Variants in DST observed in about 807,000 individuals in gnomAD.
DST encodes bullous pemphigoid antigen.
In DST, 253 loss-of-function variants were observed where a neutral mutation model predicts 875.2. That is an observed-to-expected ratio of 0.29 (90% confidence interval 0.26 to 0.32). The LOEUF is 0.32. Ranked by LOEUF, DST falls within the 10% of genes least tolerant of loss-of-function variation. DST has a pLI of 1.00. For missense variants in DST, 8,287 were observed against 9,111.6 expected (o/e 0.91, Z 3.68); for synonymous variants, 3,124 against 3,197.1 (o/e 0.98, Z 0.77).
At chr6:56,908,800 C>A (rs756181966) in intron 2 of DST, among the ~76,000 whole-genome samples, 1 of 152,154 alleles carries the variant, frequency 6.6e-6, no homozygotes, top group African/African-American at 2.4e-5. Flanking sequence ...TGAGAGTGAC[C>A]TACAGTCGTC....
Position 56,819,797 on chromosome 6 carries a change from G to A in DST, c.625+31600C>T, listed in dbSNP as rs192573002. Among the ~76,000 whole-genome samples the A allele has an allele frequency of 1.6e-3, 243 of 152,262 alleles. 2 individuals are homozygous for A. Among genetic ancestry groups the A allele is most frequent in the Non-Finnish European group, 8.2e-4 (56 of 68,008 alleles). ...CTGTCCTTGCCTTCAATGTTTACTG[G>A]CCATTGTTAGTTCTTTTCTTATGAA... On this transcript the variant is annotated intron_variant, in intron 4 of 103. Transcript: ENST00000680361.
chr6:56,820,173 G>A (rs1203552313), intron 4 of DST, among the ~76,000 whole-genome samples: 1 of 152,180 alleles, frequency 6.6e-6, no homozygotes, highest in East Asian at 1.9e-4. Flanking sequence ...ACCACTATGT[G>A]ATTCAACTAT....
intron 58 of DST, among the ~76,000 whole-genome samples, chr6:56,559,665 TTTC>T (rs931293467): frequency 2.0e-5 from 3 of 152,134 alleles, no homozygotes; most frequent in Non-Finnish European, 4.4e-5. Context: ...TTACACTCAT[TTTC>T]TTTTTTTCTA....
At chr6:56,590,244 C>T (rs1019945834) in intron 49 of DST, among the ~76,000 whole-genome samples, 2 of 152,006 alleles carry the variant, frequency 1.3e-5, no homozygotes, top group African/African-American at 2.4e-5. Flanking sequence ...TAGGTTTTTC[C>T]GTTTTAAAAT....
At chr6:56,848,902 T>G (rs1763471261) in intron 4 of DST, among the ~76,000 whole-genome samples, 2 of 151,028 alleles carry the variant, frequency 1.3e-5, no homozygotes. Flanking sequence ...TAGCTGGGCA[T>G]GGTGGTGCAT....
chr6:56,691,494 G>A (rs1388049365), intron 9 of DST, among the ~76,000 whole-genome samples: 1 of 152,016 alleles, frequency 6.6e-6, no homozygotes, highest in Non-Finnish European at 1.5e-5. Context: ...CAATGACCTT[G>A]CCAAGAATGT....
chr6:56,793,068 CAAAAAAAAAAAAAAA>C (rs61457774), intron 4 of DST, among the ~76,000 whole-genome samples: 323 of 42,368 alleles, frequency 7.6e-3, no homozygotes, highest in African/African-American at 0.018. Flanking sequence ...GACCCTGTCT[CAAAAAAAAAAAAAAA>C]AAAAAAAAAA....
intron 15 of DST, among the ~76,000 whole-genome samples, chr6:56,643,181 T>G (rs558835891): frequency 5.0e-4 from 76 of 152,310 alleles, no homozygotes; most frequent in African/African-American, 1.7e-3. Context: ...TAGTAAAGAT[T>G]ATTCTGGCAA....
chr6:56,824,022 C>T (rs913426102), intron 4 of DST, among the ~76,000 whole-genome samples: 1 of 151,736 alleles, frequency 6.6e-6, no homozygotes, highest in African/African-American at 2.4e-5. Context: ...CACGGTCTCC[C>T]TCTCCCTCTC....
At chr6:56,869,560 C>A (rs1775955003) in intron 3 of DST, among the ~76,000 whole-genome samples, 1 of 151,824 alleles carries the variant, frequency 6.6e-6, no homozygotes, top group South Asian at 2.1e-4. Context: ...AGGACACTTG[C>A]CCATGTCAAG....
chr6:56,558,748 T>C (rs773658133), intron 58 of DST, among the ~76,000 whole-genome samples: 15 of 152,112 alleles, frequency 9.9e-5, no homozygotes, highest in Non-Finnish European at 1.5e-4. Flanking sequence ...CCCACAATCT[T>C]TGAAGGTTTG....
rs935801859 is a variant in DST, at chr6:56,562,124, A to C, written c.14068+14T>G. On this transcript the variant is annotated intron_variant, in intron 56 of 103. Transcript: ENST00000680361. Reference sequence around the variant, plus strand: ...AATTACATTAATCAGTAACAAATTAAAATTAATACTCACCTTTATTTGCCC... The same window carrying C: ...AATTACATTAATCAGTAACAAATTACAATTAATACTCACCTTTATTTGCCC... The C allele has an allele frequency of 1.3e-6, 2 of 1,491,310 alleles. No individual in the cohort carries two copies. Among genetic ancestry groups the C allele is most frequent in the Admixed American group, 4.1e-5 (2 of 48,656 alleles). The allele number at this position is 1,491,310 out of a possible 1,614,324, so 92.4% of individuals were successfully genotyped here. A position where few individuals can be genotyped will look rare whatever the true frequency, so the allele number is the denominator to read the frequency against.
Position 56,701,983 on chromosome 6 carries a change from C to A in DST, c.877-18G>T, listed in dbSNP as rs187054898. The A allele has an allele frequency of 1.2e-4, 187 of 1,537,508 alleles. No individual in the cohort carries two copies. The highest frequency in any genetic ancestry group is 1.6e-4 in the Non-Finnish European group (179 of 1,114,172). On this transcript the variant is annotated intron_variant, in intron 7 of 103. Coordinates refer to ENST00000680361, the MANE Select transcript of DST (RefSeq NM_001374736.1). The stretch of plus-strand genomic sequence containing the variant: ...TCTCTGGGCTAAGAACAGAAAAATG[C>A]AGGTATGAAAAAGAGTTTCTGTTAT...
At chr6:56,498,103 A>G (rs1366230714) in intron 80 of DST, 50 bp from the exon 81 acceptor site, 1 of 1,496,258 alleles carries the variant, frequency 6.7e-7, no homozygotes, top group Non-Finnish European at 9.2e-7. Context: ...ACATGTTAAT[A>G]TCATCTTTAA....
chr6:56,486,279 C>T (rs914023636), intron 87 of DST, among the ~76,000 whole-genome samples: 2 of 141,154 alleles, frequency 1.4e-5, no homozygotes, highest in Admixed American at 1.5e-4. Context: ...AGGAGAATGG[C>T]GTGAACCCGG....
intron 3 of DST, among the ~76,000 whole-genome samples, chr6:56,878,417 G>C (rs1780503470): frequency 6.6e-6 from 1 of 152,174 alleles, no homozygotes; most frequent in Non-Finnish European, 1.5e-5. Flanking sequence ...TTGGCACTGA[G>C]CTGCCCCTCC....
chr6:56,476,152 G>T lies in DST; in HGVS notation c.21861C>A (p.His7287Gln). 1 of 1,600,004 alleles carries T rather than the reference G, an allele frequency of 6.2e-7. No homozygotes were observed. Among genetic ancestry groups the T allele is most frequent in the East Asian group, 2.2e-5 (1 of 44,624 alleles). ...GTTAGGATTATATTTATTTTACCTG[G>T]TGTTCTGCAATGAGTGCTTTCACCT... ...IEEVKALIAE[H>Q]QTFMEEMTRK... The change falls in exon 92 of 104, where the codon CAC becomes CAA. Residue 7287 changes from histidine (H) to glutamine (Q), a missense_variant. Physicochemically the swap from His to Gln is conservative, Grantham distance 24 (BLOSUM62 0). Around this residue, in one of 10 missense-constraint regions of DST, gnomAD observed 1,292 missense variants for 1,552.7 expected, o/e 0.83. Transcript: ENST00000680361.
chr6:56,875,339 C>T (rs750733746), intron 3 of DST, among the ~76,000 whole-genome samples: 10 of 152,216 alleles, frequency 6.6e-5, no homozygotes, highest in Non-Finnish European at 1.5e-4. Flanking sequence ...TTACAGGTCT[C>T]ATCACATTAG....
In DST at chr6:56,607,064, G is replaced by A. The variant is rs1212934934; in HGVS notation, c.7564C>T (p.His2522Tyr). 6.2e-7 allele frequency: 1 copy of A among 1,613,172 alleles called. No homozygotes were observed. The highest frequency in any genetic ancestry group is 1.7e-5 in the Admixed American group (1 of 59,900). ...GTATTTGAAATGTATTTATCATTGT[G>A]ATATTGTACTTGAGGATTACTAGAA... is the stretch of plus-strand genomic sequence containing the variant. ...MISSNPQVQY[H>Y]NDKYISNTSG... The change falls in exon 40 of 104, where the codon CAC (histidine) becomes TAC (tyrosine). Residue 2522 changes from histidine (H) to tyrosine (Y), a missense_variant. His to Tyr is a moderately conservative substitution (Grantham distance 83). This residue lies in a region of DST where 3,138 missense variants were observed against 3,116.6 expected (regional missense o/e 1.01). Transcript: ENST00000680361.
Sources: allele counts gnomAD v4.1 joint callset (sites outside exome capture counted in the v4.1 genomes callset), GRCh38; gene constraint gnomAD v4.1.1; regional missense constraint gnomAD v4.1.1; transcripts MANE v1.5; gene names NCBI Gene and HGNC (gene_info 2026-07-23, HGNC 2026-07-21).